SYNE1: variants seen among roughly 807,000 people sequenced by gnomAD.
SYNE1 encodes the protein nesprin-1.
A neutral mutation model predicts 1,111.0 loss-of-function variants in SYNE1; 616 were observed. That is an observed-to-expected ratio of 0.55 (90% CI 0.52 to 0.59). The LOEUF (loss-of-function observed/expected upper bound fraction) is 0.59. SYNE1 is among the 20% of genes least tolerant of loss of function. SYNE1 has a pLI of 0.00. For missense variants in SYNE1, 10,006 were observed against 10,417.0 expected (o/e 0.96, Z 1.72); for synonymous variants, 3,855 against 3,825.8 (o/e 1.01, Z -0.28).
At chr6:152,132,093 C>T in intron 144 of SYNE1, 29 bp downstream of exon 144, 1 of 1,605,100 alleles carries the variant, frequency 6.2e-7, no homozygotes. Context: ...CTCCCATGGG[C>T]CAACTGAAAA....
chr6:152,186,252 C>A (rs2069858702), intron 128 of SYNE1, among the ~76,000 whole-genome samples: 1 of 151,992 alleles, frequency 6.6e-6, no homozygotes, highest in African/African-American at 2.4e-5. Flanking sequence ...TAAAAGAAAA[C>A]AGGTTAGAAA....
chr6:152,407,788 A>C (rs944837216), intron 44 of SYNE1, among the ~76,000 whole-genome samples: 3 of 144,818 alleles, frequency 2.1e-5, no homozygotes, highest in African/African-American at 7.9e-5. Context: ...TTGAGACGGA[A>C]TCTCACTCTG....
intron 25 of SYNE1, among the ~76,000 whole-genome samples, chr6:152,452,355 C>T (rs2098658259): frequency 6.6e-6 from 1 of 151,842 alleles, no homozygotes; most frequent in South Asian, 2.1e-4. Context: ...GTCTTTATTC[C>T]ATAATACATT....
rs769247891 is a variant in SYNE1, at chr6:152,381,195, C to A, written c.8820G>T (p.Thr2940=). The change falls in exon 56 of 146, where the codon ACG becomes ACT. Residue 2940 remains threonine (T), a synonymous_variant. Transcript: ENST00000367255. The part of the protein sequence containing the change: ...WKQWEDSVFQ[T]QSCLENLVSQ... ...TGACCAGGTTCTCCAAACAGCTCTG[C>A]GTTTGGAATACACTGTCTTCCCACT... 15 of 1,614,194 alleles carry A rather than the reference C, an allele frequency of 9.3e-6. No homozygotes were observed. The highest frequency in any genetic ancestry group is 1.7e-5 in the Admixed American group (1 of 60,020).
rs145639107 is a variant in SYNE1, at chr6:152,331,654, T to A, written c.13031A>T (p.Glu4344Val). ...RKIQVSVTNL[E>V]ELNVVQSRFQ... The stretch of plus-strand genomic sequence containing the variant: ...TCTGGACTGCACCACATTTAACTCC[T>A]CCAAGTTGGTGACTGACACTTGGAT... The change falls in exon 78 of 146, where the codon GAG (glutamate) becomes GTG (valine). Residue 4344 changes from glutamate to valine, a missense_variant. Physicochemically the swap from Glu to Val is moderately radical, Grantham distance 121. Around this residue, in one of 7 missense-constraint regions of SYNE1, gnomAD observed 4,955 missense variants for 5,017.2 expected, o/e 0.99. Transcript: ENST00000367255. 1.4e-5 allele frequency: 22 copies of A among 1,614,054 alleles called. No individual in the cohort carries two copies. In the African/African-American group the frequency reaches 2.4e-4, roughly 18 times the overall value.
At chr6:152,435,803 G>C in intron 33 of SYNE1, 138 bp downstream of exon 33, 1 of 1,063,436 alleles carries the variant, frequency 9.4e-7, no homozygotes, top group Non-Finnish European at 1.4e-6. Flanking sequence ...CTTTTGAACT[G>C]TGAGTTGTTT....
At chr6:152,363,363 G>C (rs978390942) in intron 63 of SYNE1, among the ~76,000 whole-genome samples, 1 of 149,650 alleles carries the variant, frequency 6.7e-6, no homozygotes, top group Non-Finnish European at 1.5e-5. Flanking sequence ...GCATGGTGGC[G>C]GGCGCCTGTA....
intron 145 of SYNE1, among the ~76,000 whole-genome samples, chr6:152,123,238 C>T (rs2052050851): frequency 6.6e-6 from 1 of 152,176 alleles, no homozygotes; most frequent in South Asian, 2.1e-4. Flanking sequence ...TTTCATCTTG[C>T]ACTGAATCAG....
chr6:152,278,047 T>C (rs1395285213), intron 98 of SYNE1, 42 bp downstream of exon 98: 1 of 1,608,554 alleles, frequency 6.2e-7, no homozygotes, highest in Admixed American at 1.7e-5. Context: ...ACGTGAACAG[T>C]GTGCCAACTT....
rs145340259 is a variant in SYNE1, at chr6:152,430,961, A to G, written c.4462-252T>C. ...CGGAGAAATAGCTACTCTTGCTTGC[A>G]GTGAAGTAAGCAAGGAGATGTCCCT... On this transcript the variant is annotated intron_variant, in intron 34 of 145. Transcript: ENST00000367255. Among the ~76,000 whole-genome samples the G allele has an allele frequency of 1.6e-3, 251 of 152,266 alleles. 9 individuals carry two copies. In the East Asian group the frequency reaches 0.038, roughly 23 times the overall value.
At chr6:152,379,416 T>C (rs148677771) in intron 56 of SYNE1, among the ~76,000 whole-genome samples, 1,671 of 152,292 alleles carry the variant, frequency 0.011, 25 homozygotes, top group African/African-American at 0.038. Context: ...TCTGTTTTTA[T>C]GTTTTAAAGA....
intron 11 of SYNE1, among the ~76,000 whole-genome samples, chr6:152,489,455 G>GTATTT: frequency 1.1e-5 from 1 of 90,874 alleles, no homozygotes; most frequent in African/African-American, 4.8e-5. Flanking sequence ...AGCTTGGTGT[G>GTATTT]TCTTTTTTTT....
chr6:152,288,969 G>C (rs769291139), intron 95 of SYNE1, among the ~76,000 whole-genome samples: 1 of 152,192 alleles, frequency 6.6e-6, no homozygotes, highest in East Asian at 1.9e-4. Flanking sequence ...CAGGCTCAGG[G>C]GGGGCGTGAG....
At chr6:152,576,431 A>G (rs2099496764) in intron 3 of SYNE1, among the ~76,000 whole-genome samples, 1 of 152,168 alleles carries the variant, frequency 6.6e-6, no homozygotes. Flanking sequence ...AAATTTCTTG[A>G]TGACAAATCC....
intron 39 of SYNE1, among the ~76,000 whole-genome samples, chr6:152,423,089 G>A (rs1448146864): frequency 6.6e-6 from 1 of 152,108 alleles, no homozygotes; most frequent in Non-Finnish European, 1.5e-5. Flanking sequence ...ACACCATAAA[G>A]ACCTGAAAAA....
chr6:152,384,405 G>A (rs1239713010), intron 55 of SYNE1, among the ~76,000 whole-genome samples: 2 of 152,332 alleles, frequency 1.3e-5, no homozygotes, highest in East Asian at 3.9e-4. Flanking sequence ...TGGGTAGATG[G>A]ATAGATGGAA....
At chr6:152,550,994 C>T (rs898687108) in intron 3 of SYNE1, among the ~76,000 whole-genome samples, 1 of 152,126 alleles carries the variant, frequency 6.6e-6, no homozygotes, top group African/African-American at 2.4e-5. Flanking sequence ...AAAAACAGCA[C>T]AGCTTATTGT....
chr6:152,326,644 G>C lies in SYNE1; in HGVS notation c.14956-11C>G. On this transcript the variant is annotated splice_polypyrimidine_tract_variant and intron_variant, in intron 78 of 145. Transcript: ENST00000367255. ...TTCAGTCAAGGTAGCCTGAAAAACA[G>C]CAATTGCAAACATAATCAACTCTCC... 1 of 1,610,788 alleles carries C rather than the reference G, an allele frequency of 6.2e-7. No homozygotes were observed. Among genetic ancestry groups the C allele is most frequent in the East Asian group, 2.2e-5 (1 of 44,874 alleles).
At chr6:152,549,720 T>C (rs1029945447) in intron 3 of SYNE1, among the ~76,000 whole-genome samples, 3 of 152,110 alleles carry the variant, frequency 2.0e-5, no homozygotes, top group African/African-American at 7.2e-5. Context: ...GTTAAGAGAA[T>C]TTTTAGGGAG....
Sources: gnomAD v4.1 joint callset for allele counts (sites outside exome capture counted in the v4.1 genomes callset) on GRCh38, gnomAD v4.1.1 for gene constraint, gnomAD v4.1.1 regional missense constraint, MANE v1.5 for transcripts, NCBI Gene and HGNC (gene_info 2026-07-23, HGNC 2026-07-21) for gene names.